FAM53A: variants seen among roughly 807,000 people sequenced by gnomAD.
FAM53A encodes family with sequence similarity 53 member A, also known as protein FAM53A.
FAM53A carries 28 observed loss-of-function variants against 26.6 expected under a neutral mutation model. The ratio of observed to expected loss-of-function variants is 1.05; its 90% CI spans 0.78 to 1.45. FAM53A has a LOEUF of 1.45. FAM53A is among the 40% of genes most tolerant of loss of function. The probability of loss-of-function intolerance (pLI) is 0.00; values close to 1 mark genes in which losing one functional copy is unlikely to be tolerated. For missense variants in FAM53A, 650 were observed against 575.8 expected, an observed-to-expected ratio of 1.13 and a Z score of -1.32; for synonymous variants, 290 against 253.1, an observed-to-expected ratio of 1.15 and a Z score of -1.38.
chr4:1,623,037 C>A (rs1176135697), intron 1 of FAM53A, among the ~76,000 whole-genome samples: 1 of 152,232 alleles, frequency 6.6e-6, no homozygotes, highest in African/African-American at 2.4e-5. Flanking sequence ...CTGAAGCAGC[C>A]CCCACGGTCA....
intron 4 of FAM53A, among the ~76,000 whole-genome samples, chr4:1,647,947 C>T (rs746854718): frequency 2.0e-5 from 3 of 152,160 alleles, no homozygotes; most frequent in Non-Finnish European, 4.4e-5. Flanking sequence ...TGGTGGCGCA[C>T]GCCTGCAATC....
At chr4:1,591,934 G>A in the FAM53A span, among the ~76,000 whole-genome samples, 1 of 152,208 alleles carries the variant, frequency 6.6e-6, no homozygotes, top group Non-Finnish European at 1.5e-5. Context: ...CTTGGGTGCA[G>A]GGTAGAAAGA....
chr4:1,593,311 G>A, the FAM53A span, among the ~76,000 whole-genome samples: 1 of 152,048 alleles, frequency 6.6e-6, no homozygotes, highest in Admixed American at 6.5e-5. Flanking sequence ...CGGCAGGTGC[G>A]CTCAGCCCAG....
chr4:1,641,687 T>C, intron 4 of FAM53A, 80 bp from the exon 5 acceptor site: 1 of 1,469,578 alleles, frequency 6.8e-7, no homozygotes, highest in South Asian at 1.1e-5. Context: ...CATCGAGGGC[T>C]CGGTGTGCTG....
At position 1,661,233 on chromosome 4, in the gene FAM53A, T is replaced by C. The variant is rs372838228; in HGVS notation, c.76-3765A>G. Among the ~76,000 whole-genome samples, 5 of 152,084 alleles carry C rather than the reference T, an allele frequency of 3.3e-5. No individual in the cohort carries two copies. The East Asian group carries it at 7.8e-4, about 24-fold the overall frequency. ...CCCCCAGGCTCCCACCCTCACAGGC[T>C]CCCACGGCCATGGGAACCTCCACCT... On this transcript the variant is annotated intron_variant, in intron 2 of 4. Coordinates refer to ENST00000308132, the MANE Select transcript of FAM53A (RefSeq NM_001174070.3).
In FAM53A at chr4:1,644,348, G is replaced by A. The variant is rs753151760; in HGVS notation, c.883-2741C>T. 2.9e-5 allele frequency: 45 copies of A among 1,535,640 alleles called. 1 individual carries two copies. In the South Asian group the frequency reaches 4.5e-4, roughly 15 times the overall value. On this transcript the variant is annotated intron_variant, in intron 4 of 4. Coordinates refer to ENST00000308132, the MANE Select transcript of FAM53A (RefSeq NM_001174070.3). ...TCGCGGGCACAGCTGTGCGGCTAGA[G>A]CGTGAAAACAGCAGGCTCTGAACGC...
downstream of FAM53A, among the ~76,000 whole-genome samples, chr4:1,636,860 G>A (rs1577096067): frequency 6.6e-6 from 1 of 151,968 alleles, no homozygotes; most frequent in South Asian, 2.1e-4. Context: ...CAGCCAGGAG[G>A]AGAGCTGAAA....
the FAM53A span, among the ~76,000 whole-genome samples, chr4:1,577,650 G>A: frequency 2.0e-5 from 3 of 152,150 alleles, no homozygotes; most frequent in East Asian, 1.9e-4. Context: ...TAAATCCCCC[G>A]GTAACAATTA....
upstream of FAM53A, among the ~76,000 whole-genome samples, chr4:1,685,122 G>C (rs62285060): frequency 0.18 from 28,121 of 152,204 alleles, 3,258 homozygotes; most frequent in Non-Finnish European, 0.26. Context: ...GACCCAGGGC[G>C]GGCCTCTGAC....
intron 1 of FAM53A, among the ~76,000 whole-genome samples, chr4:1,631,471 C>A (rs1190551078): frequency 1.3e-5 from 2 of 152,230 alleles, no homozygotes; most frequent in Non-Finnish European, 2.9e-5. Flanking sequence ...TTACGGCTTC[C>A]TGTCCCTGGA....
At position 1,618,450 on chromosome 4, in the gene FAM53A, G is replaced by A. The variant is rs146913018; in HGVS notation, c.432-339C>T. Among the ~76,000 whole-genome samples, 591 of 152,274 alleles carry A rather than the reference G, an allele frequency of 3.9e-3. 3 individuals are homozygous for A. The highest frequency in any genetic ancestry group is 0.014 in the African/African-American group (566 of 41,560). On this transcript the variant is annotated intron_variant, in intron 1 of 1. Transcript: ENST00000489029. ...TGGGAAGTGGGCTGGTACCACAGCCGGGCCCCCAGGGCCCCCTTCAGACAG... is the reference window on the plus strand; with the variant it reads ...TGGGAAGTGGGCTGGTACCACAGCCAGGCCCCCAGGGCCCCCTTCAGACAG...
chr4:1,626,602 T>A (rs934720466), intron 1 of FAM53A, among the ~76,000 whole-genome samples: 3 of 141,614 alleles, frequency 2.1e-5, no homozygotes, highest in Admixed American at 1.4e-4. Context: ...TCAGCCACAG[T>A]GATGTTTTGC....
chr4:1,607,122 G>A, the FAM53A span, among the ~76,000 whole-genome samples: 2 of 152,136 alleles, frequency 1.3e-5, no homozygotes, highest in East Asian at 1.9e-4. Flanking sequence ...GTGTTCAGGC[G>A]ATTCTCCTGC....
intron 4 of FAM53A, among the ~76,000 whole-genome samples, chr4:1,649,955 G>A (rs1186989266): frequency 6.2e-5 from 7 of 113,730 alleles, no homozygotes; most frequent in African/African-American, 1.0e-4. Flanking sequence ...TGGCACAGGC[G>A]TGGCGTTTGA....
intron 1 of FAM53A, among the ~76,000 whole-genome samples, chr4:1,631,717 C>G (rs930685242): frequency 6.6e-6 from 1 of 152,180 alleles, no homozygotes; most frequent in Non-Finnish European, 1.5e-5. Context: ...AATCAACCAG[C>G]AAACACGTGG....
At chr4:1,661,155 G>A (rs867648489) in intron 2 of FAM53A, among the ~76,000 whole-genome samples, 2 of 152,014 alleles carry the variant, frequency 1.3e-5, no homozygotes, top group South Asian at 4.2e-4. Flanking sequence ...TGGCTGCCGC[G>A]GCCCTCTACT....
downstream of FAM53A, among the ~76,000 whole-genome samples, chr4:1,615,792 C>G (rs116601643): frequency 3.9e-3 from 593 of 152,362 alleles, 3 homozygotes; most frequent in African/African-American, 0.014. Flanking sequence ...TGTGCAAATG[C>G]AGAATCCGAA....
Position 1,657,552 on chromosome 4 carries a change from G to C in FAM53A, c.76-84C>G, listed in dbSNP as rs1460986035. 25 of 1,122,118 alleles carry C rather than the reference G, an allele frequency of 2.2e-5. No homozygotes were observed. The East Asian group carries it at 4.9e-4, about 22-fold the overall frequency. 69.5% of individuals were successfully genotyped at this position (1,122,118 alleles called of 1,614,324 possible). ...TCCCCCATTTTCATCACTGCAGCAC[G>C]TTCTACCTTTCCCCAGTGTTTTCTT... On this transcript the variant is annotated intron_variant, in intron 2 of 4. Transcript: ENST00000308132.
intron 4 of FAM53A, among the ~76,000 whole-genome samples, chr4:1,652,403 C>A (rs143875126): frequency 8.5e-6 from 1 of 117,540 alleles, no homozygotes; most frequent in Non-Finnish European, 2.0e-5. Context: ...ACCACACACA[C>A]CAGACACACA....
Sources: allele counts gnomAD v4.1 joint callset (sites outside exome capture counted in the v4.1 genomes callset), GRCh38; gene constraint gnomAD v4.1.1; transcripts MANE v1.5; gene names NCBI Gene and HGNC (gene_info 2026-07-23, HGNC 2026-07-21).